EHF: variants seen among roughly 807,000 people sequenced by gnomAD.
EHF encodes ETS homologous factor.
In EHF, 14 loss-of-function variants were observed where a neutral mutation model predicts 45.1. The ratio of observed to expected loss-of-function variants is 0.31; its 90% CI spans 0.21 to 0.49. The LOEUF (loss-of-function observed/expected upper bound fraction) is 0.49. Among genes scored for constraint, EHF ranks in the 20% least tolerant of loss-of-function variants. EHF has a pLI of 0.99. For missense variants in EHF, 282 were observed against 371.4 expected, an observed-to-expected ratio of 0.76 and a Z score of 1.98; for synonymous variants, 136 against 131.8, an observed-to-expected ratio of 1.03 and a Z score of -0.22.
intron 1 of EHF, chr11:34,631,707 C>G (rs1487458058): frequency 2.8e-6 from 1 of 355,258 alleles, no homozygotes. Flanking sequence ...TGCTTTTTGC[C>G]CAGGGCTGGA....
intron 2 of EHF, among the ~76,000 whole-genome samples, chr11:34,645,314 G>C (rs1854403363): frequency 6.6e-6 from 1 of 152,092 alleles, no homozygotes; most frequent in East Asian, 1.9e-4. Flanking sequence ...CTTCTTCATT[G>C]GCATCTGAAT....
At chr11:34,634,710 A>C (rs894662776) in intron 1 of EHF, among the ~76,000 whole-genome samples, 1 of 152,158 alleles carries the variant, frequency 6.6e-6, no homozygotes, top group Non-Finnish European at 1.5e-5. Context: ...TCATAGGGGG[A>C]TAATTTACAT....
At chr11:34,635,574 C>G (rs1312495588) in intron 1 of EHF, among the ~76,000 whole-genome samples, 2 of 151,288 alleles carry the variant, frequency 1.3e-5, no homozygotes, top group Non-Finnish European at 2.9e-5. Context: ...GCCTCAGCCT[C>G]CCAAGTAGCA....
At chr11:34,632,362 A>T in intron 1 of EHF, 1 of 935,810 alleles carries the variant, frequency 1.1e-6, no homozygotes, top group Non-Finnish European at 1.5e-6. Flanking sequence ...CAACTGAATT[A>T]ACAGCTCTGT....
At chr11:34,655,271 T>A (rs562059927) in intron 6 of EHF, among the ~76,000 whole-genome samples, 1 of 152,174 alleles carries the variant, frequency 6.6e-6, no homozygotes, top group Non-Finnish European at 1.5e-5. Flanking sequence ...CCATGACGTT[T>A]CGAGAAATTG....
chr11:34,640,545 C>G (rs539169355), intron 1 of EHF, among the ~76,000 whole-genome samples: 1 of 152,186 alleles, frequency 6.6e-6, no homozygotes, highest in Non-Finnish European at 1.5e-5. Context: ...GGCCCTGGGC[C>G]CCCCTCCTTC....
At position 34,640,791 on chromosome 11, in the gene EHF, T is replaced by A. The variant is rs1853922415; in HGVS notation, c.-3-1837T>A. 2.0e-5 allele frequency among the ~76,000 whole-genome samples: 3 copies of A among 152,236 alleles called. No individual in the cohort carries two copies. The South Asian group carries it at 6.2e-4, about 32-fold the overall frequency. On this transcript the variant is annotated intron_variant, in intron 1 of 8. Coordinates refer to ENST00000257831, the MANE Select transcript of EHF (RefSeq NM_012153.6). ...TAGTCACCATCTGTAAATTTTCAAGTGGGGAAACTGAGGCCCAGCATCATT... is the reference window on the plus strand; with the variant it reads ...TAGTCACCATCTGTAAATTTTCAAGAGGGGAAACTGAGGCCCAGCATCATT...
At chr11:34,647,443 C>T (rs927920674) in intron 3 of EHF, among the ~76,000 whole-genome samples, 2 of 152,180 alleles carry the variant, frequency 1.3e-5, no homozygotes, top group African/African-American at 4.8e-5. Flanking sequence ...CATGTAAGAC[C>T]TAGTAGGGTG....
Position 34,663,134 on chromosome 11 carries a change from A to T in EHF, c.*4203A>T, listed in dbSNP as rs993444096. Among the ~76,000 whole-genome samples the T allele has an allele frequency of 1.3e-5, 2 of 152,010 alleles. No individual in the cohort carries two copies. The highest frequency in any genetic ancestry group is 4.8e-5 in the African/African-American group (2 of 41,392). ...GGAAACAACTCTATTGCTACTATTTAAAAAAAATCAGAAATCTTTCCCTTT... is the reference window on the plus strand; with the variant it reads ...GGAAACAACTCTATTGCTACTATTTTAAAAAAATCAGAAATCTTTCCCTTT... On this transcript the variant is annotated 3_prime_UTR_variant, in exon 9 of 9. Transcript: ENST00000257831.
chr11:34,652,898 T>G (rs1201558172), intron 6 of EHF, among the ~76,000 whole-genome samples: 1 of 152,196 alleles, frequency 6.6e-6, no homozygotes, highest in Non-Finnish European at 1.5e-5. Flanking sequence ...GCTCTCGACT[T>G]CTCCTTCCCC....
intron 1 of EHF, chr11:34,642,321 A>T: frequency 1.0e-5 from 2 of 197,548 alleles, no homozygotes; most frequent in Non-Finnish European, 2.0e-5. Flanking sequence ...AACTGCTTGG[A>T]TGCCAGCCAG....
intron 3 of EHF, 35 bp from the exon 4 acceptor site, chr11:34,648,984 G>T: frequency 6.2e-7 from 1 of 1,601,662 alleles, no homozygotes; most frequent in Middle Eastern, 1.7e-4. Flanking sequence ...GCTCCATCTG[G>T]GCCCTCTCTG....
intron 1 of EHF, among the ~76,000 whole-genome samples, chr11:34,639,618 G>T (rs1853783198): frequency 6.6e-6 from 1 of 152,218 alleles, no homozygotes; most frequent in Non-Finnish European, 1.5e-5. Flanking sequence ...TTTCCCTGCA[G>T]CTCCCTGCCC....
At chr11:34,632,463 C>A in intron 1 of EHF, 2 of 1,502,548 alleles carry the variant, frequency 1.3e-6, no homozygotes, top group South Asian at 1.3e-5. Context: ...GCCATCCAGA[C>A]AACCCACTGC....
chr11:34,622,411 A>G (rs1188513228), intron 1 of EHF: 4 of 1,286,062 alleles, frequency 3.1e-6, no homozygotes, highest in South Asian at 2.5e-5. Context: ...TTCTGCAGCC[A>G]TGGAGGTAAA....
chr11:34,631,071 C>T (rs1424896624), intron 1 of EHF, among the ~76,000 whole-genome samples: 4 of 152,120 alleles, frequency 2.6e-5, no homozygotes, highest in Non-Finnish European at 5.9e-5. Context: ...TACTTGGTTG[C>T]CCAGGCTGGG....
At chr11:34,657,243 A>C (rs1422720530) in intron 7 of EHF, among the ~76,000 whole-genome samples, 5 of 63,262 alleles carry the variant, frequency 7.9e-5, no homozygotes, top group East Asian at 4.8e-4. Context: ...AACTGCTTGC[A>C]GGCATGGGGT....
At position 34,662,711 on chromosome 11, in the gene EHF, AG is replaced by A. The variant is rs1856163511; in HGVS notation, c.*3782del. On this transcript the variant is annotated 3_prime_UTR_variant, in exon 9 of 9. Coordinates refer to ENST00000257831, the MANE Select transcript of EHF (RefSeq NM_012153.6). ...AAAAAGGTAAAACAGTTAAGAAGGA[AG>A]GCAATTATATTATTCTTCTGTAGTT... Among the ~76,000 whole-genome samples, 1 of 152,176 alleles carries A rather than the reference AG, an allele frequency of 6.6e-6. No homozygotes were observed. The highest frequency in any genetic ancestry group is 1.5e-5 in the Non-Finnish European group (1 of 68,022).
At position 34,653,665 on chromosome 11, in the gene EHF, T is replaced by G. The variant is rs560385027; in HGVS notation, c.544+1860T>G. On this transcript the variant is annotated intron_variant, in intron 6 of 8. Coordinates refer to ENST00000257831, the MANE Select transcript of EHF (RefSeq NM_012153.6). ...ATTCATTGGGGTAATAGCCCTTCAG[T>G]AGGATAGTTAATTACAGCCTTATAT... Among the ~76,000 whole-genome samples, 8 of 152,298 alleles carry G rather than the reference T, an allele frequency of 5.3e-5. No homozygotes were observed. The South Asian group carries it at 1.0e-3, about 20-fold the overall frequency.
Sources: allele counts gnomAD v4.1 joint callset (sites outside exome capture counted in the v4.1 genomes callset), GRCh38; gene constraint gnomAD v4.1.1; transcripts MANE v1.5; gene names NCBI Gene and HGNC (gene_info 2026-07-23, HGNC 2026-07-21).